The following SPTLC2 variants were observed in gnomAD, a reference collection of about 807,000 sequenced individuals.
SPTLC2 encodes the protein serine palmitoyltransferase long chain base subunit 2.
Under a neutral mutation model 62.0 loss-of-function variants are expected in SPTLC2, and 21 were observed. The observed-to-expected ratio is 0.34, with a 90% confidence interval of 0.24 to 0.49. SPTLC2 has a LOEUF of 0.49. Ranked by LOEUF, SPTLC2 falls within the 20% of genes least tolerant of loss-of-function variation. The pLI is 0.99. For missense variants in SPTLC2, 511 were observed against 713.0 expected, an observed-to-expected ratio of 0.72 and a Z score of 3.23; for synonymous variants, 261 against 261.8, an observed-to-expected ratio of 1.00 and a Z score of 0.03.
Position 77,506,473 on chromosome 14 carries a change from A to T in SPTLC2, c.*5811T>A, listed in dbSNP as rs1182681065. The T allele has an allele frequency of 1.3e-5, 2 of 152,170 alleles. No homozygotes were observed. Among genetic ancestry groups the T allele is most frequent in the East Asian group, 3.8e-4 (2 of 5,196 alleles). 9.4% of individuals were successfully genotyped at this position (152,170 alleles called of 1,614,324 possible). On this transcript the variant is annotated 3_prime_UTR_variant, in exon 12 of 12. Transcript: ENST00000216484. Reference sequence around the variant, plus strand: ...TGTTAGCTGCCTGTTACAGAGAGGGATCATCAAGACTGTGTGGACATGCTA... The same window carrying T: ...TGTTAGCTGCCTGTTACAGAGAGGGTTCATCAAGACTGTGTGGACATGCTA...
chr14:77,570,692 A>C (rs1379120264), intron 4 of SPTLC2, among the ~76,000 whole-genome samples, 184 bp from the exon 5 acceptor site: 1 of 152,244 alleles, frequency 6.6e-6, no homozygotes, highest in Non-Finnish European at 1.5e-5. Context: ...GTGCTCATAA[A>C]GAACACAATA....
chr14:77,532,828 A>T (rs2079448197), intron 9 of SPTLC2, among the ~76,000 whole-genome samples: 1 of 151,912 alleles, frequency 6.6e-6, no homozygotes, highest in Admixed American at 6.5e-5. Context: ...AATAAAATAA[A>T]AAATCTGATT....
At chr14:77,529,608 ATTTC>A (rs750719614) in intron 9 of SPTLC2, among the ~76,000 whole-genome samples, 6 of 121,218 alleles carry the variant, frequency 4.9e-5, no homozygotes, top group South Asian at 3.0e-4. Context: ...TAGGAAAGCA[ATTTC>A]TTTCTTTCTT....
At chr14:77,589,317 G>A (rs1459357206) in intron 2 of SPTLC2, among the ~76,000 whole-genome samples, 1 of 152,060 alleles carries the variant, frequency 6.6e-6, no homozygotes, top group Non-Finnish European at 1.5e-5. Context: ...AGCGCAGAAT[G>A]AGATTTCAAG....
intron 2 of SPTLC2, among the ~76,000 whole-genome samples, chr14:77,584,868 C>T (rs974981383): frequency 2.0e-5 from 3 of 152,152 alleles, no homozygotes; most frequent in Non-Finnish European, 4.4e-5. Context: ...GATCGGGTTG[C>T]GGATGTGATG....
chr14:77,611,664 A>G (rs2079938501), intron 1 of SPTLC2, among the ~76,000 whole-genome samples: 1 of 151,922 alleles, frequency 6.6e-6, no homozygotes, highest in South Asian at 2.1e-4. Flanking sequence ...TGTCTCTACT[A>G]CAAATGCAAA....
intron 2 of SPTLC2, among the ~76,000 whole-genome samples, chr14:77,579,761 T>A (rs1177176957): frequency 6.6e-6 from 1 of 152,036 alleles, no homozygotes; most frequent in Admixed American, 6.6e-5. Context: ...CCCTGATGTA[T>A]CAGGAAAACA....
At chr14:77,579,722 G>C (rs929211529) in intron 2 of SPTLC2, among the ~76,000 whole-genome samples, 4 of 152,048 alleles carry the variant, frequency 2.6e-5, no homozygotes, top group Non-Finnish European at 4.4e-5. Context: ...CTCCAAGCTG[G>C]ATAACAGCAA....
chr14:77,546,323 T>TA (rs578037495), intron 9 of SPTLC2, among the ~76,000 whole-genome samples: 75 of 152,210 alleles, frequency 4.9e-4, no homozygotes, highest in Non-Finnish European at 8.8e-4. Flanking sequence ...GAAGCTGCTT[T>TA]AAAAAATAAT....
chr14:77,589,664 C>T (rs2079804196), intron 2 of SPTLC2, among the ~76,000 whole-genome samples: 1 of 151,886 alleles, frequency 6.6e-6, no homozygotes, highest in African/African-American at 2.4e-5. Context: ...ATGGCAGATG[C>T]CTGTAATCCC....
rs1175788472 is a variant in SPTLC2 at position 77,512,158 on chromosome 14, T to G, written c.*126A>C. ...GTCATTTAGAGTGGAGGTGGCCACC[T>G]TCAGTAGCTGAGGCAATGTCTTTCA... On this transcript the variant is annotated 3_prime_UTR_variant, in exon 12 of 12. Coordinates refer to ENST00000216484, the MANE Select transcript of SPTLC2 (RefSeq NM_004863.4). 7.3e-7 allele frequency: 1 copy of G among 1,376,640 alleles called. No homozygotes were observed. The highest frequency in any genetic ancestry group is 1.0e-6 in the Non-Finnish European group (1 of 973,684). The allele number at this position is 1,376,640 out of a possible 1,614,324, so 85.3% of individuals were successfully genotyped here.
rs540902241 is a variant in SPTLC2, at chr14:77,536,158, T to G, written c.1304-14577A>C. Among the ~76,000 whole-genome samples the G allele has an allele frequency of 3.9e-5, 6 of 152,346 alleles. No individual in the cohort carries two copies. In the East Asian group the frequency reaches 1.2e-3, roughly 29 times the overall value. On this transcript the variant is annotated intron_variant, in intron 9 of 11. Coordinates refer to ENST00000216484, the MANE Select transcript of SPTLC2 (RefSeq NM_004863.4). ...AGGTCAAGACTACTGCTTCCAAACT[T>G]GAACTAGAATATTAAAAATTATTTT...
At chr14:77,567,534 A>G (rs1352024129) in intron 5 of SPTLC2, among the ~76,000 whole-genome samples, 1 of 152,246 alleles carries the variant, frequency 6.6e-6, no homozygotes. Context: ...TTTGGCATGA[A>G]GTTGTTCTTA....
intron 9 of SPTLC2, among the ~76,000 whole-genome samples, chr14:77,530,318 A>T (rs868187575): frequency 0.062 from 3,582 of 58,052 alleles, 134 homozygotes; most frequent in African/African-American, 0.13. Context: ...ATCTTTTTTA[A>T]AAAAAAAAAA....
intron 4 of SPTLC2, among the ~76,000 whole-genome samples, chr14:77,571,492 G>A (rs916561577): frequency 3.0e-5 from 4 of 133,002 alleles, no homozygotes; most frequent in Non-Finnish European, 6.3e-5. Flanking sequence ...CTAGGCAACA[G>A]AGCGAGACTC....
intron 1 of SPTLC2, among the ~76,000 whole-genome samples, chr14:77,597,664 C>T (rs2079854826): frequency 2.0e-5 from 3 of 151,244 alleles, no homozygotes; most frequent in African/African-American, 7.3e-5. Flanking sequence ...ATCCCAGCTA[C>T]TTGGGAGGCT....
intron 10 of SPTLC2, among the ~76,000 whole-genome samples, chr14:77,520,792 A>G (rs1476565439): frequency 3.3e-5 from 5 of 152,206 alleles, no homozygotes; most frequent in Admixed American, 6.5e-5. Context: ...TAAGTATCCA[A>G]TAACACACTC....
In SPTLC2 at chr14:77,570,299, A is replaced by T. The variant is rs1300320459; in HGVS notation, c.756+85T>A. ...AAACTATGTTTAGCCTAAAGTTTAT[A>T]ACAGCTTTTAGCTCACTCTGACTGC... On this transcript the variant is annotated intron_variant, in intron 5 of 11. Coordinates refer to ENST00000216484, the MANE Select transcript of SPTLC2 (RefSeq NM_004863.4). The T allele has an allele frequency of 7.1e-6, 11 of 1,557,244 alleles. No individual in the cohort carries two copies. The African/African-American group carries it at 1.5e-4, about 21-fold the overall frequency.
chr14:77,523,128 C>G (rs970424156), intron 9 of SPTLC2, among the ~76,000 whole-genome samples: 1 of 152,326 alleles, frequency 6.6e-6, no homozygotes, highest in African/African-American at 2.4e-5. Flanking sequence ...ATGTTGGGAA[C>G]TGATGAGCCA....
Sources: allele counts gnomAD v4.1 joint callset (sites outside exome capture counted in the v4.1 genomes callset), GRCh38; gene constraint gnomAD v4.1.1; transcripts MANE v1.5; gene names NCBI Gene and HGNC (gene_info 2026-07-23, HGNC 2026-07-21).